The following GRID2 variants were observed in gnomAD, a reference collection of about 807,000 sequenced individuals.
The protein encoded by GRID2 is glutamate receptor ionotropic, delta-2.
Under a neutral mutation model 114.8 loss-of-function variants are expected in GRID2, and 33 were observed. The observed-to-expected ratio is 0.29, with a 90% confidence interval of 0.22 to 0.38. The LOEUF (loss-of-function observed/expected upper bound fraction) is 0.38. Among genes scored for constraint, GRID2 ranks in the 10% least tolerant of loss-of-function variants. The pLI is 1.00. For missense variants in GRID2, 1,184 were observed against 1,257.7 expected, an observed-to-expected ratio of 0.94 and a Z score of 0.89; for synonymous variants, 505 against 449.9, an observed-to-expected ratio of 1.12 and a Z score of -1.55.
At chr4:92,936,652 A>G (rs964592558) in intron 2 of GRID2, among the ~76,000 whole-genome samples, 1 of 146,262 alleles carries the variant, frequency 6.8e-6, no homozygotes, top group Non-Finnish European at 1.5e-5. Context: ...GGTCTGTTCA[A>G]TCAAGGTCAC....
intron 14 of GRID2, among the ~76,000 whole-genome samples, chr4:93,753,677 C>CA (rs1224411022): frequency 6.6e-6 from 1 of 152,178 alleles, no homozygotes; most frequent in African/African-American, 2.4e-5. Context: ...ATGAACTTAT[C>CA]CTTTTTATGG....
intron 8 of GRID2, among the ~76,000 whole-genome samples, chr4:93,293,953 C>A (rs1754015296): frequency 6.6e-6 from 1 of 152,122 alleles, no homozygotes; most frequent in Non-Finnish European, 1.5e-5. Context: ...CATAACATAT[C>A]ATGTACTGAT....
At chr4:93,497,050 C>A (rs1370703643) in intron 12 of GRID2, among the ~76,000 whole-genome samples, 2 of 150,412 alleles carry the variant, frequency 1.3e-5, no homozygotes, top group Non-Finnish European at 3.0e-5. Flanking sequence ...TTGGTGGTAT[C>A]ATTTTTTTTT....
At chr4:93,750,664 G>C (rs1419206232) in intron 14 of GRID2, among the ~76,000 whole-genome samples, 1 of 152,076 alleles carries the variant, frequency 6.6e-6, no homozygotes, top group Non-Finnish European at 1.5e-5. Flanking sequence ...GCTGAGGCAG[G>C]AGAATGGCGT....
At chr4:92,472,003 G>A (rs1379871278) in intron 1 of GRID2, among the ~76,000 whole-genome samples, 3 of 54,138 alleles carry the variant, frequency 5.5e-5, no homozygotes, top group Admixed American at 3.4e-4. Flanking sequence ...GCGGGATCTC[G>A]GCTCACTGCA....
At chr4:93,061,824 G>A (rs997533039) in intron 2 of GRID2, among the ~76,000 whole-genome samples, 3 of 152,076 alleles carry the variant, frequency 2.0e-5, no homozygotes, top group Non-Finnish European at 4.4e-5. Context: ...TAGACACTTG[G>A]CTACCACATT....
intron 2 of GRID2, among the ~76,000 whole-genome samples, chr4:92,956,546 G>A (rs1360233835): frequency 1.3e-5 from 2 of 152,016 alleles, no homozygotes; most frequent in Admixed American, 6.6e-5. Flanking sequence ...CTCTAGATGT[G>A]CCATAATTTA....
At chr4:92,561,230 C>T (rs1043354560) in intron 1 of GRID2, among the ~76,000 whole-genome samples, 4 of 152,128 alleles carry the variant, frequency 2.6e-5, no homozygotes, top group African/African-American at 4.8e-5. Flanking sequence ...GTTTGTTCAA[C>T]TTTTTAAAAC....
chr4:92,808,299 G>A (rs1161688639), intron 2 of GRID2, among the ~76,000 whole-genome samples: 1 of 151,910 alleles, frequency 6.6e-6, no homozygotes, highest in Non-Finnish European at 1.5e-5. Context: ...TTCGTGTTGA[G>A]GTAAGCCACT....
intron 5 of GRID2, among the ~76,000 whole-genome samples, chr4:93,215,354 A>G (rs1299693667): frequency 6.6e-6 from 1 of 152,074 alleles, no homozygotes; most frequent in Admixed American, 6.6e-5. Flanking sequence ...AAGACATTGA[A>G]TAGCAATATT....
intron 1 of GRID2, among the ~76,000 whole-genome samples, chr4:92,540,545 C>T (rs1331993161): frequency 6.6e-6 from 1 of 152,212 alleles, no homozygotes; most frequent in Non-Finnish European, 1.5e-5. Context: ...TGAAGAAATG[C>T]TCATCATCAC....
intron 11 of GRID2, among the ~76,000 whole-genome samples, chr4:93,465,057 C>T (rs972365392): frequency 6.6e-6 from 1 of 152,144 alleles, no homozygotes; most frequent in South Asian, 2.1e-4. Context: ...AGCATGATGG[C>T]TGTTTTCATG....
intron 2 of GRID2, chr4:92,884,935 C>CAAA: frequency 1.1e-4 from 28 of 261,408 alleles, no homozygotes; most frequent in East Asian, 3.1e-4. Context: ...TTGGTCTCCC[C>CAAA]AAAAAAAAAA....
At chr4:93,528,753 G>A (rs1252383938) in intron 13 of GRID2, among the ~76,000 whole-genome samples, 2 of 152,078 alleles carry the variant, frequency 1.3e-5, no homozygotes, top group East Asian at 3.9e-4. Flanking sequence ...AAGTCAGAAT[G>A]GGGGAAGGAA....
intron 2 of GRID2, among the ~76,000 whole-genome samples, chr4:92,753,854 A>G (rs1737577078): frequency 2.0e-5 from 3 of 152,200 alleles, no homozygotes; most frequent in Non-Finnish European, 2.9e-5. Context: ...AAATAAGACT[A>G]TAAGAATTTC....
At chr4:93,006,361 C>T (rs1287063165) in intron 2 of GRID2, among the ~76,000 whole-genome samples, 2 of 151,832 alleles carry the variant, frequency 1.3e-5, no homozygotes, top group Non-Finnish European at 2.9e-5. Context: ...AAATCAGACC[C>T]ACAAATGAGA....
At chr4:93,067,517 C>T (rs1728407819) in intron 2 of GRID2, among the ~76,000 whole-genome samples, 1 of 151,938 alleles carries the variant, frequency 6.6e-6, no homozygotes, top group Non-Finnish European at 1.5e-5. Flanking sequence ...TTATAAGGCT[C>T]TGCCTTCATG....
intron 9 of GRID2, among the ~76,000 whole-genome samples, chr4:93,403,065 A>T (rs2149341245): frequency 6.6e-6 from 1 of 152,244 alleles, no homozygotes; most frequent in South Asian, 2.1e-4. Context: ...AAGCCCTCAC[A>T]GCAAGGAGTT....
At chr4:93,489,361 C>T (rs1726744275) in intron 11 of GRID2, among the ~76,000 whole-genome samples, 1 of 151,830 alleles carries the variant, frequency 6.6e-6, no homozygotes, top group African/African-American at 2.4e-5. Context: ...TTCAAGAAAG[C>T]CATTGAGAGA....
Sources: gnomAD v4.1 joint callset for allele counts (sites outside exome capture counted in the v4.1 genomes callset) on GRCh38, gnomAD v4.1.1 for gene constraint, MANE v1.5 for transcripts, NCBI Gene and HGNC (gene_info 2026-07-23, HGNC 2026-07-21) for gene names.